EPHB4: variants seen among roughly 807,000 people sequenced by gnomAD.
The protein encoded by EPHB4 is ephrin type-B receptor 4.
Under a neutral mutation model 110.6 loss-of-function variants are expected in EPHB4, and 50 were observed. The ratio of observed to expected loss-of-function variants is 0.45; its 90% CI spans 0.36 to 0.57. EPHB4 has a LOEUF of 0.57. Ranked by LOEUF, EPHB4 falls within the 20% of genes least tolerant of loss-of-function variation. EPHB4 has a pLI of 0.00. For missense variants in EPHB4, 1,128 were observed against 1,382.1 expected, an observed-to-expected ratio of 0.82 and a Z score of 2.91; for synonymous variants, 592 against 578.4, an observed-to-expected ratio of 1.02 and a Z score of -0.34.
Position 100,822,687 on chromosome 7 carries a change from A to T in EPHB4, c.412-20T>A. The T allele has an allele frequency of 6.6e-7, 1 of 1,526,398 alleles. No individual in the cohort carries two copies. Among genetic ancestry groups the T allele is most frequent in the Non-Finnish European group, 8.8e-7 (1 of 1,132,554 alleles). The allele number at this position is 1,526,398 out of a possible 1,614,324, so 94.6% of individuals were successfully genotyped here. On this transcript the variant is annotated intron_variant, in intron 3 of 16. Coordinates refer to ENST00000358173, the MANE Select transcript of EPHB4 (RefSeq NM_004444.5). This position sits in a 1 kb window ranked among gnomAD's most constrained non-coding sequence, Gnocchi z 4.7. ...GTCCACCTGCCGGCGGGGGGGAGGC[A>T]CACCGCTGCTGTCCCCACTCCCTGA...
In EPHB4 at chr7:100,805,589, G is replaced by C; in HGVS notation, c.2590C>G (p.Arg864Gly). 1 of 1,556,784 alleles carries C rather than the reference G, an allele frequency of 6.4e-7. No homozygotes were observed. The highest frequency in any genetic ancestry group is 8.7e-7 in the Non-Finnish European group (1 of 1,152,904). ...LDCWQKDRNARPRFPQVVSAL... is the reference protein window; with the variant it reads ...LDCWQKDRNAGPRFPQVVSAL... ...CTGACCACCTGGGGGAAGCGGGGCC[G>C]GGCATTCCGGTCTTTCTGCCAACAG... Residue 864 changes from arginine to glycine, a missense_variant, in exon 15 of 17, where the codon CGG (arginine) becomes GGG (glycine). Around this residue, in one of 3 missense-constraint regions of EPHB4, gnomAD observed 209 missense variants for 240.5 expected, o/e 0.87. Transcript: ENST00000358173.
Position 100,805,640 on chromosome 7 carries a change from TG to T in EPHB4, c.2538del (p.Thr847ProfsTer31). On this transcript the variant is annotated frameshift_variant, in exon 15 of 17. Coordinates refer to ENST00000358173, the MANE Select transcript of EPHB4 (RefSeq NM_004444.5). LOFTEE classifies it high-confidence loss of function. ...TCCAGCATGAGCTGGTGGAGGGAGG[TG>T]GGACAGTCTGGGGGCGGGGGCAGCC... The part of the protein sequence containing the change: ...DYRLPPPPDC[P>X]TSLHQLMLDC... 6.5e-7 allele frequency: 1 copy of T among 1,544,978 alleles called. No homozygotes were observed. Among genetic ancestry groups the T allele is most frequent in the Non-Finnish European group, 8.7e-7 (1 of 1,148,584 alleles).
At chr7:100,816,071 G>A (rs1404234424) in intron 8 of EPHB4, among the ~76,000 whole-genome samples, 2 of 151,444 alleles carry the variant, frequency 1.3e-5, no homozygotes, top group African/African-American at 4.8e-5. Context: ...GGTGGATCAG[G>A]AGGTCAGCAG....
In EPHB4 at chr7:100,821,628, GA is replaced by G. The variant is rs754869641; in HGVS notation, c.808+642del. 5.2e-3 allele frequency among the ~76,000 whole-genome samples: 706 copies of G among 135,540 alleles called. 3 individuals are homozygous for G. Among genetic ancestry groups the G allele is most frequent in the African/African-American group, 0.012 (457 of 37,228 alleles). The allele number at this position is 135,540 out of a possible 152,430, so 88.9% of individuals were successfully genotyped here. A position where few individuals can be genotyped will look rare whatever the true frequency, so the allele number is the denominator to read the frequency against. On this transcript the variant is annotated intron_variant, in intron 4 of 16. Coordinates refer to ENST00000358173, the MANE Select transcript of EPHB4 (RefSeq NM_004444.5). ...GGGCGACAGAGCAAGACTCTGTCTTGAAAAAAAAAAAAAAATTTTTTTTAGA... is the reference window on the plus strand; with the variant it reads ...GGGCGACAGAGCAAGACTCTGTCTTGAAAAAAAAAAAAAATTTTTTTTAGA...
rs314359 is a variant in EPHB4 at position 100,813,656 on chromosome 7, T to A, written c.1752A>T (p.Gly584=). The A allele has an allele frequency of 6.2e-7, 1 of 1,613,356 alleles. No homozygotes were observed. The highest frequency in any genetic ancestry group is 1.1e-5 in the South Asian group (1 of 91,072). The change falls in exon 10 of 17, where the codon GGA becomes GGT. Residue 584 remains glycine (G), a synonymous_variant. Transcript: ENST00000358173. ...CATCAAATTAGGGCAACCCACCATG[T>A]CCGATGAGATACTGTCCGTGTTTGT... The part of the protein sequence containing the change: ...YSDKHGQYLI[G]HGTKVYIDPF...
At position 100,803,141 on chromosome 7, in the gene EPHB4, C is replaced by T. The variant is rs112333978; in HGVS notation, c.*320G>A. ...AGGGAGTCACACTCTCTTTGGTCTGCGGGAACGCACCCATCAAGGTGAGGG... is the reference window on the plus strand; with the variant it reads ...AGGGAGTCACACTCTCTTTGGTCTGTGGGAACGCACCCATCAAGGTGAGGG... On this transcript the variant is annotated 3_prime_UTR_variant, in exon 17 of 17. Coordinates refer to ENST00000358173, the MANE Select transcript of EPHB4 (RefSeq NM_004444.5). 30 of 198,344 alleles carry T rather than the reference C, an allele frequency of 1.5e-4. No individual in the cohort carries two copies. The highest frequency in any genetic ancestry group is 4.5e-4 in the East Asian group (4 of 8,894). 12.3% of individuals were successfully genotyped at this position (198,344 alleles called of 1,614,324 possible). A position where few individuals can be genotyped will look rare whatever the true frequency, so the allele number is the denominator to read the frequency against.
intron 12 of EPHB4, among the ~76,000 whole-genome samples, chr7:100,808,648 C>T (rs1812865700): frequency 6.6e-6 from 1 of 152,158 alleles, no homozygotes; most frequent in African/African-American, 2.4e-5. Flanking sequence ...ATGATCGGTG[C>T]AAAAACCAAG....
At chr7:100,809,842 G>A (rs910142946) in intron 12 of EPHB4, among the ~76,000 whole-genome samples, 8 of 152,150 alleles carry the variant, frequency 5.3e-5, no homozygotes, top group Admixed American at 2.0e-4. Context: ...GACCAGGCAC[G>A]GTGGCTCACG....
chr7:100,806,637 C>T (rs1202762406), intron 13 of EPHB4, 68 bp from the exon 14 acceptor site: 2 of 1,520,190 alleles, frequency 1.3e-6, no homozygotes, highest in Non-Finnish European at 1.8e-6. Context: ...AGCACACTGC[C>T]CCCCAGTCCC....
intron 4 of EPHB4, among the ~76,000 whole-genome samples, chr7:100,821,666 GCT>G (rs962840194): frequency 6.6e-6 from 1 of 150,428 alleles, no homozygotes; most frequent in African/African-American, 2.4e-5. Flanking sequence ...ACGGGGTCTT[GCT>G]CTGTCACCCA....
intron 1 of EPHB4, 115 bp downstream of exon 1, chr7:100,826,864 A>G: frequency 9.4e-7 from 1 of 1,060,272 alleles, no homozygotes; most frequent in Non-Finnish European, 1.3e-6. Context: ...AGTGTTTGGG[A>G]CTGCAGTGCC....
chr7:100,813,495 T>G (rs1006117738), intron 10 of EPHB4, among the ~76,000 whole-genome samples, 157 bp downstream of exon 10: 26 of 152,010 alleles, frequency 1.7e-4, no homozygotes, highest in Non-Finnish European at 3.5e-4. Flanking sequence ...GATGTATTTT[T>G]TATAGAGATG....
rs1812843038 is a variant in EPHB4 at position 100,807,528 on chromosome 7, AT to A, written c.2170del (p.Ile724SerfsTer11). 6.2e-7 allele frequency: 1 copy of A among 1,613,886 alleles called. No individual in the cohort carries two copies. On this transcript the variant is annotated frameshift_variant, in exon 13 of 17. Transcript: ENST00000358173. LOFTEE classifies it high-confidence loss of function. ...GGCAAGGTACCGCATGCCCGAGGCG[AT>A]GCCCCGCAGCATGCCCACGAGCTGG... ...VIQLVGMLRGIASGMRYLAEM... is the reference protein window; with the variant it reads ...VIQLVGMLRGXASGMRYLAEM...
chr7:100,808,738 G>A lies in EPHB4; in HGVS notation c.2119-1158C>T, dbSNP rs117154822. Among the ~76,000 whole-genome samples, 965 of 152,270 alleles carry A rather than the reference G, an allele frequency of 6.3e-3. 6 individuals carry two copies. Among genetic ancestry groups the A allele is most frequent in the Non-Finnish European group, 0.011 (753 of 68,038 alleles). ...AAGTCACAGACAGTAAACAAATCCC[G>A]TATTCTGGGTTCCGCTAAGATTTGG... On this transcript the variant is annotated intron_variant, in intron 12 of 16. Transcript: ENST00000358173.
At position 100,827,207 on chromosome 7, in the gene EPHB4, C is replaced by T. The variant is rs1370288639; in HGVS notation, c.-177G>A. ...CGGGCGGCGGCGCCAAGTGTGGCCC[C>T]GCGTCTGTGCCGCGCGCGCGGGCGG... On this transcript the variant is annotated 5_prime_UTR_variant, in exon 1 of 17. Transcript: ENST00000358173. 12 of 391,988 alleles carry T rather than the reference C, an allele frequency of 3.1e-5. No individual in the cohort carries two copies. The highest frequency in any genetic ancestry group is 1.2e-5 in the Non-Finnish European group (3 of 251,598). 24.3% of individuals were successfully genotyped at this position (391,988 alleles called of 1,614,324 possible). A position where few individuals can be genotyped will look rare whatever the true frequency, so the allele number is the denominator to read the frequency against.
chr7:100,827,132 G>A lies in EPHB4; in HGVS notation c.-102C>T, dbSNP rs1813428518. The A allele has an allele frequency of 6.0e-6, 8 of 1,328,006 alleles. No homozygotes were observed. Among genetic ancestry groups the A allele is most frequent in the Non-Finnish European group, 8.2e-6 (8 of 977,302 alleles). 82.3% of individuals were successfully genotyped at this position (1,328,006 alleles called of 1,614,324 possible). A position where few individuals can be genotyped will look rare whatever the true frequency, so the allele number is the denominator to read the frequency against. On this transcript the variant is annotated 5_prime_UTR_variant, in exon 1 of 17. Transcript: ENST00000358173. ...GGGTGGACGCCGATACTCCGCGCGGGACTCCTCGTCGGGGCCCTCAGCGCG... is the reference window on the plus strand; with the variant it reads ...GGGTGGACGCCGATACTCCGCGCGGAACTCCTCGTCGGGGCCCTCAGCGCG...
In EPHB4 at chr7:100,813,192, G is replaced by A. The variant is rs778634363; in HGVS notation, c.1773C>T (p.Ile591=). 224 of 1,603,744 alleles carry A rather than the reference G, an allele frequency of 1.4e-4. No individual in the cohort carries two copies. The highest frequency in any genetic ancestry group is 1.8e-4 in the Non-Finnish European group (217 of 1,179,922). ...TAGGGTCTTCATAAGTGAAGGGGTCGATGTAGACCTTAGTACCTGAGAAAT... is the reference window on the plus strand; with the variant it reads ...TAGGGTCTTCATAAGTGAAGGGGTCAATGTAGACCTTAGTACCTGAGAAAT... ...YLIGHGTKVY[I]DPFTYEDPNE... Residue 591 remains isoleucine (I), a synonymous_variant, in exon 11 of 17, where the codon ATC becomes ATT. Coordinates refer to ENST00000358173, the MANE Select transcript of EPHB4 (RefSeq NM_004444.5).
intron 14 of EPHB4, 137 bp downstream of exon 14, chr7:100,806,283 A>G: frequency 1.8e-6 from 2 of 1,109,596 alleles, no homozygotes; most frequent in Non-Finnish European, 2.5e-6. Context: ...CTTTGATACA[A>G]AGATCAATTC....
In EPHB4 at chr7:100,824,187, T is replaced by A; in HGVS notation, c.123+16A>T. The A allele has an allele frequency of 6.2e-7, 1 of 1,614,060 alleles. No homozygotes were observed. The highest frequency in any genetic ancestry group is 8.5e-7 in the Non-Finnish European group (1 of 1,179,962). On this transcript the variant is annotated intron_variant, in intron 2 of 16. Transcript: ENST00000358173. ...AGTTTCCCTCCAGAGCTCCAGCTCC[T>A]GGGTGCAGCTCTCACCTGCCCGTCC...
Sources: gnomAD v4.1 joint callset for allele counts (sites outside exome capture counted in the v4.1 genomes callset) on GRCh38, gnomAD v4.1.1 for gene constraint, gnomAD v4.1.1 regional missense constraint, Gnocchi (gnomAD v3.1) non-coding constraint, MANE v1.5 for transcripts, NCBI Gene and HGNC (gene_info 2026-07-23, HGNC 2026-07-21) for gene names.